The following PAM variants were observed in gnomAD, a reference collection of about 807,000 sequenced individuals.
PAM encodes peptidyl-glycine alpha-amidating monooxygenase.
Under a neutral mutation model 122.1 loss-of-function variants are expected in PAM, and 72 were observed. The observed-to-expected ratio is 0.59, with a 90% CI of 0.49 to 0.72. The LOEUF (loss-of-function observed/expected upper bound fraction) is 0.72. Among genes scored for constraint, PAM ranks in the 30% least tolerant of loss-of-function variants. The probability of loss-of-function intolerance (pLI) is 0.00; values close to 1 mark genes in which losing one functional copy is unlikely to be tolerated. For synonymous variants in PAM, 389 were observed against 404.4 expected, an observed-to-expected ratio of 0.96 and a Z score of 0.46; for missense variants, 1,106 against 1,183.7, an observed-to-expected ratio of 0.93 and a Z score of 0.96.
In PAM at chr5:102,990,492, A is replaced by G. The variant is rs756178101; in HGVS notation, c.1613+91A>G. 8.4e-6 allele frequency: 8 copies of G among 955,512 alleles called. No individual in the cohort carries two copies. In the South Asian group the frequency reaches 1.9e-4, roughly 23 times the overall value. The allele number at this position is 955,512 out of a possible 1,614,324, so 59.2% of individuals were successfully genotyped here. ...AACTAAGAATAATGGTGAGAGAACT[A>G]TAAAGGTTTTTTAGAATTTGACTTT... On this transcript the variant is annotated intron_variant, in intron 16 of 25. Transcript: ENST00000438793.
chr5:102,769,130 T>C (rs1196683925), intron 1 of PAM, among the ~76,000 whole-genome samples: 6 of 152,192 alleles, frequency 3.9e-5, no homozygotes, highest in African/African-American at 1.4e-4. Context: ...ATATACCTAT[T>C]TGTCATTTGT....
At chr5:102,820,826 T>A (rs964319588) in intron 1 of PAM, among the ~76,000 whole-genome samples, 1 of 152,234 alleles carries the variant, frequency 6.6e-6, no homozygotes, top group Non-Finnish European at 1.5e-5. Context: ...TTCTACAGAA[T>A]GTTAGAACAA....
Position 103,017,411 on chromosome 5 carries a change from G to A in PAM, c.2409G>A (p.Val803=), listed in dbSNP as rs779368286. ...VYIGDAHTNT[V]WKFTLTEKLE... ...TTGGAGATGCTCATACCAACACCGT[G>A]TGGAAGTTCACCTTGACTGAGAGTA... is the stretch of plus-strand genomic sequence containing the variant. The change falls in exon 22 of 26, where the codon GTG becomes GTA. Residue 803 remains valine (V), a synonymous_variant. Transcript: ENST00000438793. 1.9e-6 allele frequency: 3 copies of A among 1,603,722 alleles called. No individual in the cohort carries two copies. In the Admixed American group the frequency reaches 5.0e-5, roughly 27 times the overall value.
chr5:102,945,464 T>G (rs994549006), intron 7 of PAM, among the ~76,000 whole-genome samples: 18 of 150,770 alleles, frequency 1.2e-4, no homozygotes, highest in African/African-American at 4.4e-4. Flanking sequence ...ATAAACTATA[T>G]ATAAACTAAA....
chr5:102,829,684 G>GT (rs781537027), intron 1 of PAM, among the ~76,000 whole-genome samples: 1 of 152,136 alleles, frequency 6.6e-6, no homozygotes, highest in African/African-American at 2.4e-5. Flanking sequence ...GCAAATGGGA[G>GT]TTTTTTGTGG....
chr5:102,927,785 T>G (rs1260542201), intron 7 of PAM, among the ~76,000 whole-genome samples: 2 of 149,438 alleles, frequency 1.3e-5, no homozygotes, highest in Non-Finnish European at 1.5e-5. Context: ...TAAATTAATA[T>G]ATATATAAAT....
chr5:103,002,946 A>G, intron 16 of PAM, 87 bp from the exon 17 acceptor site: 1 of 709,910 alleles, frequency 1.4e-6, no homozygotes, highest in Non-Finnish European at 2.6e-6. Context: ...AGCTCTTTTG[A>G]TTTTGTATTT....
chr5:102,759,815 G>A lies in PAM; in HGVS notation c.-374+4467G>A, dbSNP rs758075524. Among the ~76,000 whole-genome samples, 110 of 152,184 alleles carry A rather than the reference G, an allele frequency of 7.2e-4. 2 individuals are homozygous for A. The highest frequency in any genetic ancestry group is 2.2e-4 in the Non-Finnish European group (15 of 68,026). On this transcript the variant is annotated intron_variant, in intron 1 of 25. Transcript: ENST00000438793. Reference sequence around the variant, plus strand: ...AATTCTAAGGACAGTGGGTGACATTGAAGACTGAAACAAGATGAGATTTGT... The same window carrying A: ...AATTCTAAGGACAGTGGGTGACATTAAAGACTGAAACAAGATGAGATTTGT...
intron 14 of PAM, among the ~76,000 whole-genome samples, chr5:102,963,997 A>G (rs1316510536): frequency 6.6e-6 from 1 of 151,564 alleles, no homozygotes; most frequent in African/African-American, 2.4e-5. Context: ...TTACTAAGAT[A>G]GAAAAAAAAG....
intron 15 of PAM, among the ~76,000 whole-genome samples, chr5:102,983,723 C>T (rs936361055): frequency 5.3e-5 from 8 of 151,944 alleles, no homozygotes; most frequent in Admixed American, 2.6e-4. Flanking sequence ...GGGTCTTCTC[C>T]GAGACACATT....
At chr5:102,816,329 C>A (rs911182601) in intron 1 of PAM, among the ~76,000 whole-genome samples, 4 of 152,138 alleles carry the variant, frequency 2.6e-5, no homozygotes, top group African/African-American at 9.7e-5. Flanking sequence ...AAGGCATTCT[C>A]TGCCTCAAGG....
Position 102,856,420 on chromosome 5 carries a change from C to T in PAM, c.-373-9403C>T, listed in dbSNP as rs1232101170. Among the ~76,000 whole-genome samples, 6 of 152,192 alleles carry T rather than the reference C, an allele frequency of 3.9e-5. No individual in the cohort carries two copies. In the East Asian group the frequency reaches 1.2e-3, roughly 29 times the overall value. Reference sequence around the variant, plus strand: ...CTGTAGTGGTTAATGCTTTCCGCTGCAGTTCACCCATCTCTTGAGAACTTG... The same window carrying T: ...CTGTAGTGGTTAATGCTTTCCGCTGTAGTTCACCCATCTCTTGAGAACTTG... On this transcript the variant is annotated intron_variant, in intron 1 of 25. Transcript: ENST00000438793.
intron 1 of PAM, among the ~76,000 whole-genome samples, chr5:102,814,430 A>C (rs1768967812): frequency 6.6e-6 from 1 of 151,916 alleles, no homozygotes; most frequent in Non-Finnish European, 1.5e-5. Context: ...GTGATGGTGC[A>C]CTAAGTACAA....
chr5:102,905,330 T>C (rs1285713022), intron 4 of PAM, among the ~76,000 whole-genome samples: 3 of 151,660 alleles, frequency 2.0e-5, no homozygotes, highest in Non-Finnish European at 4.4e-5. Context: ...TAGTGAATGA[T>C]GACAGGTCCC....
chr5:102,775,627 A>G (rs1756963234), intron 1 of PAM, among the ~76,000 whole-genome samples: 1 of 152,022 alleles, frequency 6.6e-6, no homozygotes, highest in South Asian at 2.1e-4. Flanking sequence ...TGCTGAGGAT[A>G]ATGGCTTCCA....
chr5:102,839,815 T>A (rs1580788241), intron 1 of PAM, among the ~76,000 whole-genome samples: 2 of 152,282 alleles, frequency 1.3e-5, no homozygotes, highest in Non-Finnish European at 2.9e-5. Context: ...CCAAAAATAC[T>A]TAATAAAATT....
intron 3 of PAM, among the ~76,000 whole-genome samples, chr5:102,887,455 A>G (rs1793491439): frequency 6.6e-6 from 1 of 151,980 alleles, no homozygotes; most frequent in South Asian, 2.1e-4. Flanking sequence ...TTTTCTTGGT[A>G]AACTACTCAG....
chr5:102,953,616 G>T (rs1323864498), intron 12 of PAM, among the ~76,000 whole-genome samples: 1 of 152,056 alleles, frequency 6.6e-6, no homozygotes, highest in African/African-American at 2.4e-5. Context: ...TAGACAGGAG[G>T]AATAGATTTT....
At chr5:102,830,304 G>A (rs1775051134) in intron 1 of PAM, among the ~76,000 whole-genome samples, 1 of 152,098 alleles carries the variant, frequency 6.6e-6, no homozygotes, top group Admixed American at 6.5e-5. Flanking sequence ...TAAGGTGGAT[G>A]GTTTCTACCT....
Sources: gnomAD v4.1 joint callset for allele counts (sites outside exome capture counted in the v4.1 genomes callset) on GRCh38, gnomAD v4.1.1 for gene constraint, MANE v1.5 for transcripts, NCBI Gene and HGNC (gene_info 2026-07-23, HGNC 2026-07-21) for gene names.